NAV2: variants seen among roughly 807,000 people sequenced by gnomAD.
The protein encoded by NAV2 is neuron navigator 2, also known as helicase, APC down-regulated 1.
Under a neutral mutation model 223.2 loss-of-function variants are expected in NAV2, and 54 were observed. The observed-to-expected ratio is 0.24, with a 90% CI of 0.19 to 0.30. The LOEUF (loss-of-function observed/expected upper bound fraction) is 0.30, where lower values mean the gene tolerates loss of function less well. Ranked by LOEUF, NAV2 falls within the 10% of genes least tolerant of loss-of-function variation. NAV2 has a pLI of 1.00. For missense variants in NAV2, 2,806 were observed against 3,147.5 expected (o/e 0.89, Z 2.60); for synonymous variants, 1,279 against 1,239.3 (o/e 1.03, Z -0.67).
In NAV2 at chr11:19,880,081, C is replaced by T; in HGVS notation, c.724C>T (p.Pro242Ser). The T allele has an allele frequency of 6.2e-7, 1 of 1,611,018 alleles. No individual in the cohort carries two copies. The highest frequency in any genetic ancestry group is 8.5e-7 in the Non-Finnish European group (1 of 1,177,880). Residue 242 changes from proline (P) to serine (S), a missense_variant, in exon 5 of 38, where the codon CCA becomes TCA. This residue lies in a region of NAV2 where 1,167 missense variants were observed against 1,180.5 expected (regional missense o/e 0.99). Transcript: ENST00000349880. ...CCAAGCCCCGTGCCAGCCTCACCAG[C>T]CAGCGCCACATCAGCAGTCAAAAGC... The part of the protein sequence containing the change: ...TPQAPCQPHQ[P>S]APHQQSKAQA...
intron 1 of NAV2, among the ~76,000 whole-genome samples, chr11:19,730,509 C>T (rs528514277): frequency 6.6e-6 from 1 of 152,208 alleles, no homozygotes; most frequent in Non-Finnish European, 1.5e-5. Flanking sequence ...GGGCTGGGGC[C>T]GGGCAGGCAG....
chr11:19,851,007 C>T (rs940288898), intron 3 of NAV2, among the ~76,000 whole-genome samples: 3 of 152,146 alleles, frequency 2.0e-5, no homozygotes, highest in Non-Finnish European at 2.9e-5. Flanking sequence ...GCACCTTTGT[C>T]CCTGACTTTC....
rs1006857936 is a variant in NAV2 at position 19,873,065 on chromosome 11, C to A, written c.511+4068C>A. ...TTATTTCTGGCCATTTTGAGAACAC[C>A]TGGGGTTTGTGCTATCTGGCCCTGA... On this transcript the variant is annotated intron_variant, in intron 4 of 37. Transcript: ENST00000349880. Among the ~76,000 whole-genome samples, 3 of 152,158 alleles carry A rather than the reference C, an allele frequency of 2.0e-5. No individual in the cohort carries two copies. The East Asian group carries it at 5.8e-4, about 29-fold the overall frequency.
intron 1 of NAV2, among the ~76,000 whole-genome samples, chr11:19,431,700 G>T (rs1359063013): frequency 6.6e-6 from 1 of 152,200 alleles, no homozygotes; most frequent in Admixed American, 6.5e-5. Context: ...TCGGAAGATA[G>T]AATTTAGATT....
intron 11 of NAV2, among the ~76,000 whole-genome samples, chr11:19,987,663 T>C (rs10766613): frequency 0.7 from 106,169 of 152,068 alleles, 37,994 homozygotes; most frequent in Middle Eastern, 0.83. Flanking sequence ...GCCTGGGAGA[T>C]AGAGACTGTG....
At chr11:20,108,083 G>A (rs926653539) in intron 36 of NAV2, among the ~76,000 whole-genome samples, 1 of 152,228 alleles carries the variant, frequency 6.6e-6, no homozygotes, top group South Asian at 2.1e-4. Context: ...AGCATCGTGA[G>A]TGCCTGAGAA....
intron 3 of NAV2, among the ~76,000 whole-genome samples, chr11:19,859,890 CGGACG>C (rs2061609453): frequency 6.6e-5 from 9 of 137,040 alleles, no homozygotes; most frequent in East Asian, 4.6e-4. Context: ...ACCTCCCTCC[CGGACG>C]GGGCGGCTGG....
rs556063766 is a variant in NAV2 at position 20,068,415 on chromosome 11, G to A, written c.4983+17G>A. The A allele has an allele frequency of 9.2e-5, 148 of 1,603,148 alleles. 3 individuals carry two copies. In the South Asian group the frequency reaches 1.5e-3, roughly 16 times the overall value. On this transcript the variant is annotated intron_variant, in intron 22 of 37. Transcript: ENST00000349880. ...ACAGCAAATGTAAGTACAGACATAG[G>A]GCAGTAGCATCGGGACAGGAAGCAC...
chr11:20,081,326 C>T (rs1224348163), intron 25 of NAV2, among the ~76,000 whole-genome samples: 2 of 152,162 alleles, frequency 1.3e-5, no homozygotes, highest in Non-Finnish European at 2.9e-5. Context: ...AATATGCAAT[C>T]GATAAACATG....
chr11:19,390,332 C>T (rs945996997), intron 1 of NAV2, among the ~76,000 whole-genome samples: 2 of 152,154 alleles, frequency 1.3e-5, no homozygotes, highest in Non-Finnish European at 2.9e-5. Flanking sequence ...TCACCATATC[C>T]TTGCCTCAGC....
intron 1 of NAV2, among the ~76,000 whole-genome samples, chr11:19,498,037 A>G (rs1252869477): frequency 1.3e-5 from 2 of 152,212 alleles, no homozygotes; most frequent in African/African-American, 4.8e-5. Context: ...TGAGAAGTTA[A>G]GTGACTTGCA....
intron 1 of NAV2, among the ~76,000 whole-genome samples, chr11:19,706,740 G>A (rs1051542120): frequency 2.0e-5 from 3 of 152,168 alleles, no homozygotes; most frequent in Non-Finnish European, 1.5e-5. Context: ...TAATTATTGA[G>A]CCACTGATTA....
At position 19,424,943 on chromosome 11, in the gene NAV2, TC is replaced by T. The variant is rs144879612; in HGVS notation, c.75+73920del. 1.3e-3 allele frequency among the ~76,000 whole-genome samples: 198 copies of T among 152,268 alleles called. 1 individual carries two copies. The highest frequency in any genetic ancestry group is 4.4e-3 in the African/African-American group (184 of 41,536). On this transcript the variant is annotated intron_variant, in intron 1 of 37. Transcript: ENST00000360655. ...GTTAAATTGGAGTAATTTTGCTATGTCCCCATAATATGTTGATATTATGGGA... is the reference window on the plus strand; with the variant it reads ...GTTAAATTGGAGTAATTTTGCTATGTCCCATAATATGTTGATATTATGGGA...
At chr11:19,827,992 A>G (rs964497011) in intron 1 of NAV2, among the ~76,000 whole-genome samples, 1 of 152,078 alleles carries the variant, frequency 6.6e-6, no homozygotes, top group Non-Finnish European at 1.5e-5. Context: ...GAGGGAATCA[A>G]CAATGAGCTG....
intron 1 of NAV2, among the ~76,000 whole-genome samples, chr11:19,481,604 A>C (rs2042282799): frequency 6.6e-6 from 1 of 152,220 alleles, no homozygotes; most frequent in Non-Finnish European, 1.5e-5. Flanking sequence ...AGTAATAGCT[A>C]TGTCCATGAG....
At chr11:19,491,187 T>C (rs763942201) in intron 1 of NAV2, among the ~76,000 whole-genome samples, 20 of 152,208 alleles carry the variant, frequency 1.3e-4, no homozygotes, top group Middle Eastern at 3.4e-3. Flanking sequence ...GGGTAGTAAA[T>C]GGGCATTGGC....
chr11:19,874,613 A>T (rs1044696450), intron 4 of NAV2, among the ~76,000 whole-genome samples: 1 of 152,248 alleles, frequency 6.6e-6, no homozygotes, highest in Non-Finnish European at 1.5e-5. Flanking sequence ...CCATTTGGAA[A>T]TATGGAAAGA....
intron 19 of NAV2, chr11:20,056,683 G>A (rs1439544075): frequency 2.6e-6 from 3 of 1,149,168 alleles, no homozygotes; most frequent in Non-Finnish European, 4.0e-6. Flanking sequence ...CATGAAGATG[G>A]GGCTGATGGG....
chr11:19,944,995 A>T (rs111210607), intron 8 of NAV2, among the ~76,000 whole-genome samples: 78 of 61,982 alleles, frequency 1.3e-3, no homozygotes, highest in East Asian at 3.1e-3. Context: ...TTCCCTTTCC[A>T]TTTCCATTTT....
Sources: gnomAD v4.1 joint callset for allele counts (sites outside exome capture counted in the v4.1 genomes callset) on GRCh38, gnomAD v4.1.1 for gene constraint, gnomAD v4.1.1 regional missense constraint, MANE v1.5 for transcripts, NCBI Gene and HGNC (gene_info 2026-07-23, HGNC 2026-07-21) for gene names.